The following RFTN2 variants were observed in gnomAD, a reference collection of about 807,000 sequenced individuals.
The protein encoded by RFTN2 is raftlin family member 2, also known as raftlin-2.
RFTN2 carries 34 observed loss-of-function variants against 52.7 expected under a neutral mutation model. The ratio of observed to expected loss-of-function variants is 0.64; its 90% CI spans 0.49 to 0.86. RFTN2 has a LOEUF of 0.86. Among genes scored for constraint, RFTN2 ranks in the 40% least tolerant of loss-of-function variants. The pLI is 0.00. For missense variants in RFTN2, 536 were observed against 600.1 expected (o/e 0.89, Z 1.12); for synonymous variants, 203 against 217.7 (o/e 0.93, Z 0.59).
At chr2:197,586,702 T>C (rs893329936) in intron 8 of RFTN2, among the ~76,000 whole-genome samples, 1 of 152,216 alleles carries the variant, frequency 6.6e-6, no homozygotes, top group African/African-American at 2.4e-5. Flanking sequence ...ACCTCTGTCA[T>C]GACCTTTCGT....
Position 197,633,819 on chromosome 2 carries a change from G to A in RFTN2, c.617C>T (p.Ser206Leu). The part of the protein sequence containing the change: ...SWNEGTLSGQ[S>L]SESGIEEELH... ...TTCTTCCTCAATTCCGCTTTCAGAT[G>A]ACTGCCCACTTAACGTCCCTTCATT... is the stretch of plus-strand genomic sequence containing the variant. Residue 206 changes from serine to leucine, a missense_variant, in exon 4 of 9, where the codon TCA becomes TTA. Coordinates refer to ENST00000295049, the MANE Select transcript of RFTN2 (RefSeq NM_144629.3). 1.2e-6 allele frequency: 2 copies of A among 1,613,810 alleles called. No individual in the cohort carries two copies. The highest frequency in any genetic ancestry group is 1.7e-6 in the Non-Finnish European group (2 of 1,179,828).
intron 1 of RFTN2, among the ~76,000 whole-genome samples, chr2:197,673,939 A>G (rs2089180252): frequency 6.6e-6 from 1 of 152,184 alleles, no homozygotes; most frequent in South Asian, 2.1e-4. Context: ...TCTGTCTCCT[A>G]TGGATGTACA....
At position 197,615,803 on chromosome 2, in the gene RFTN2, G is replaced by C. The variant is rs1362237234; in HGVS notation, c.1154+73C>G. On this transcript the variant is annotated intron_variant, in intron 7 of 8. Coordinates refer to ENST00000295049, the MANE Select transcript of RFTN2 (RefSeq NM_144629.3). ...TGTAGGCATTAAACAAATATTTGTT[G>C]AATTGAACTATCTAACAGATGAAGT... is the stretch of plus-strand genomic sequence containing the variant. 6.4e-6 allele frequency: 5 copies of C among 779,318 alleles called. No homozygotes were observed. The African/African-American group carries it at 8.7e-5, about 14-fold the overall frequency. 48.3% of individuals were successfully genotyped at this position (779,318 alleles called of 1,614,324 possible). A position where few individuals can be genotyped will look rare whatever the true frequency, so the allele number is the denominator to read the frequency against.
intron 8 of RFTN2, among the ~76,000 whole-genome samples, chr2:197,590,906 A>T (rs1316687050): frequency 1.3e-5 from 2 of 152,194 alleles, no homozygotes; most frequent in Non-Finnish European, 2.9e-5. Context: ...ATTTATTGCA[A>T]AAAGTAAAAA....
chr2:197,669,182 T>C (rs1380970969), intron 1 of RFTN2, among the ~76,000 whole-genome samples: 1 of 152,210 alleles, frequency 6.6e-6, no homozygotes, highest in African/African-American at 2.4e-5. Flanking sequence ...TATAGGCAGA[T>C]ATATGAAGGA....
chr2:197,572,043 G>A lies in RFTN2; in HGVS notation c.1471C>T (p.Gln491Ter). 1 of 1,614,186 alleles carries A rather than the reference G, an allele frequency of 6.2e-7. No individual in the cohort carries two copies. The highest frequency in any genetic ancestry group is 8.5e-7 in the Non-Finnish European group (1 of 1,180,036). Residue 491 changes from glutamine (Q) to a stop codon, truncating the protein, a stop_gained, in exon 9 of 9, where the codon CAG becomes TAG. Coordinates refer to ENST00000295049, the MANE Select transcript of RFTN2 (RefSeq NM_144629.3). LOFTEE classifies it high-confidence loss of function. ...LRELDDGQFD[Q>*]EDGVTQVTCM ...GTGACCTGAGTCACTCCATCTTCCT[G>A]ATCAAACTGTCCGTCGTCTAATTCC...
In RFTN2 at chr2:197,606,112, T is replaced by C. The variant is rs191037676; in HGVS notation, c.1154+9764A>G. 4.5e-3 allele frequency among the ~76,000 whole-genome samples: 685 copies of C among 152,260 alleles called. 2 individuals carry two copies. The highest frequency in any genetic ancestry group is 6.7e-3 in the Non-Finnish European group (458 of 68,012). ...TGGCCTTTTGGAGGGCCACAAACCATTGTAATAGCTGAGACTTTTTTCACC... is the reference window on the plus strand; with the variant it reads ...TGGCCTTTTGGAGGGCCACAAACCACTGTAATAGCTGAGACTTTTTTCACC... On this transcript the variant is annotated intron_variant, in intron 7 of 8. Transcript: ENST00000295049.
At chr2:197,635,505 T>G (rs953529806) in intron 3 of RFTN2, among the ~76,000 whole-genome samples, 1 of 151,946 alleles carries the variant, frequency 6.6e-6, no homozygotes, top group African/African-American at 2.4e-5. Flanking sequence ...GAGCATTTTT[T>G]CATGTATTTT....
At position 197,629,792 on chromosome 2, in the gene RFTN2, G is replaced by A. The variant is rs946207606; in HGVS notation, c.928+1219C>T. On this transcript the variant is annotated intron_variant, in intron 5 of 8. Coordinates refer to ENST00000295049, the MANE Select transcript of RFTN2 (RefSeq NM_144629.3). ...GGCTAGAATGTTGTGGTGCAATCAT[G>A]GCTCACTGCAGCCTTGACCTCCCTG... Among the ~76,000 whole-genome samples, 5 of 150,556 alleles carry A rather than the reference G, an allele frequency of 3.3e-5. No homozygotes were observed. The East Asian group carries it at 9.8e-4, about 29-fold the overall frequency.
At chr2:197,625,809 T>A (rs1266312831) in intron 5 of RFTN2, among the ~76,000 whole-genome samples, 1 of 149,132 alleles carries the variant, frequency 6.7e-6, no homozygotes, top group Admixed American at 6.7e-5. Context: ...AGATGGAGTC[T>A]CACTCTGTTG....
At chr2:197,673,660 C>A (rs2089176631) in intron 1 of RFTN2, among the ~76,000 whole-genome samples, 1 of 152,146 alleles carries the variant, frequency 6.6e-6, no homozygotes, top group East Asian at 1.9e-4. Flanking sequence ...ATACTCCTTT[C>A]ACAGAGAGAA....
chr2:197,673,365 G>A (rs1269151017), intron 1 of RFTN2, among the ~76,000 whole-genome samples: 1 of 152,158 alleles, frequency 6.6e-6, no homozygotes, highest in Non-Finnish European at 1.5e-5. Context: ...ACTATGACCT[G>A]GAAGGTAGTT....
chr2:197,633,684 A>G (rs1172140516), intron 4 of RFTN2, 34 bp downstream of exon 4: 4 of 1,562,976 alleles, frequency 2.6e-6, no homozygotes, highest in Non-Finnish European at 2.6e-6. Flanking sequence ...CTTAAACTAT[A>G]GTATATTCTC....
Position 197,571,592 on chromosome 2 carries a change from A to AAGAG in RFTN2, c.*412_*415dup, listed in dbSNP as rs571011809. On this transcript the variant is annotated 3_prime_UTR_variant, in exon 9 of 9. Coordinates refer to ENST00000295049, the MANE Select transcript of RFTN2 (RefSeq NM_144629.3). ...TGTGTATGAGAGAGAGAGAAAAAAA[A>AAGAG]AGAGAGAGAGAGGTTATTTTTCAGC... 1 of 171,054 alleles carries AAGAG rather than the reference A, an allele frequency of 5.8e-6. No individual in the cohort carries two copies. Among genetic ancestry groups the AAGAG allele is most frequent in the Non-Finnish European group, 1.3e-5 (1 of 79,464 alleles). The allele number at this position is 171,054 out of a possible 1,614,324, so 10.6% of individuals were successfully genotyped here. A position where few individuals can be genotyped will look rare whatever the true frequency, so the allele number is the denominator to read the frequency against.
intron 1 of RFTN2, among the ~76,000 whole-genome samples, chr2:197,672,612 C>T (rs1347325159): frequency 6.6e-6 from 1 of 152,166 alleles, no homozygotes; most frequent in Non-Finnish European, 1.5e-5. Flanking sequence ...AGTAGATCAT[C>T]TTATATTAGG....
At chr2:197,629,001 C>T (rs569875077) in intron 5 of RFTN2, among the ~76,000 whole-genome samples, 23 of 152,184 alleles carry the variant, frequency 1.5e-4, no homozygotes, top group African/African-American at 3.1e-4. Flanking sequence ...TGGATGGGAC[C>T]GTAAACTAGT....
intron 8 of RFTN2, among the ~76,000 whole-genome samples, chr2:197,574,887 A>T (rs746573994): frequency 2.0e-5 from 3 of 151,998 alleles, no homozygotes; most frequent in African/African-American, 4.8e-5. Context: ...ACAAACAAAC[A>T]AACAAACAAA....
At chr2:197,607,436 A>G (rs2087980672) in intron 7 of RFTN2, among the ~76,000 whole-genome samples, 1 of 151,714 alleles carries the variant, frequency 6.6e-6, no homozygotes, top group Admixed American at 6.6e-5. Context: ...CATATGTAAC[A>G]AACCTGCACA....
chr2:197,638,683 C>G (rs1433236799), intron 3 of RFTN2, among the ~76,000 whole-genome samples: 2 of 148,856 alleles, frequency 1.3e-5, no homozygotes, highest in African/African-American at 2.5e-5. Context: ...TGGGTCTTGA[C>G]TCTTTATCCA....
Sources: gnomAD v4.1 joint callset for allele counts (sites outside exome capture counted in the v4.1 genomes callset) on GRCh38, gnomAD v4.1.1 for gene constraint, MANE v1.5 for transcripts, NCBI Gene and HGNC (gene_info 2026-07-23, HGNC 2026-07-21) for gene names.